BCAS3: variants seen among roughly 807,000 people sequenced by gnomAD.
The protein encoded by BCAS3 is BCAS3 microtubule associated cell migration factor.
Under a neutral mutation model 116.1 loss-of-function variants are expected in BCAS3, and 53 were observed. The observed-to-expected ratio is 0.46, with a 90% CI of 0.37 to 0.57. The LOEUF is 0.57. Ranked by LOEUF, BCAS3 falls within the 20% of genes least tolerant of loss-of-function variation. The pLI, the probability that BCAS3 is intolerant of heterozygous loss-of-function variation, is 0.00. For missense variants in BCAS3, 917 were observed against 1,165.4 expected (o/e 0.79, Z 3.10); for synonymous variants, 391 against 408.2 (o/e 0.96, Z 0.51).
At chr17:61,174,113 G>A (rs2079008354) in intron 22 of BCAS3, among the ~76,000 whole-genome samples, 1 of 152,144 alleles carries the variant, frequency 6.6e-6, no homozygotes, top group Non-Finnish European at 1.5e-5. Flanking sequence ...AATAAAAATT[G>A]TATATATTTG....
rs2066251072 is a variant in BCAS3 at position 61,026,428 on chromosome 17, G to A, written c.1638-8238G>A. On this transcript the variant is annotated intron_variant, in intron 16 of 23. Coordinates refer to ENST00000407086, the MANE Select transcript of BCAS3 (RefSeq NM_017679.5). The surrounding 1 kb of genome is among the most constrained non-coding windows in gnomAD (Gnocchi z 5.0). Reference sequence around the variant, plus strand: ...GTTCTGAGACTGGAACCAGTGAAAAGCAGACAATTCATATCAAATTTTTTA... The same window carrying A: ...GTTCTGAGACTGGAACCAGTGAAAAACAGACAATTCATATCAAATTTTTTA... Among the ~76,000 whole-genome samples, 1 of 151,990 alleles carries A rather than the reference G, an allele frequency of 6.6e-6. No individual in the cohort carries two copies. The highest frequency in any genetic ancestry group is 2.4e-5 in the African/African-American group (1 of 41,412).
In BCAS3 at chr17:60,910,862, A is replaced by G. The variant is rs569427157; in HGVS notation, c.993+160A>G. On this transcript the variant is annotated intron_variant, in intron 12 of 23. Transcript: ENST00000407086. ...TTTTTCTTTAAAAATGATTAGTAAC[A>G]TGTTAGAACCTGCTGTTTTGAACAT... Among the ~76,000 whole-genome samples the G allele has an allele frequency of 9.2e-5, 14 of 152,314 alleles. No homozygotes were observed. In the South Asian group the frequency reaches 2.5e-3, roughly 27 times the overall value.
Position 61,327,234 on chromosome 17 carries a change from A to G in BCAS3, c.2426-41093A>G, listed in dbSNP as rs1298496857. Among the ~76,000 whole-genome samples, 1 of 152,148 alleles carries G rather than the reference A, an allele frequency of 6.6e-6. No individual in the cohort carries two copies. The highest frequency in any genetic ancestry group is 1.5e-5 in the Non-Finnish European group (1 of 68,018). ...AGGAGATCACTTGAACTCAGGAGGT[A>G]GAGGTTGCAGTGAGCCAAGATTGCA... On this transcript the variant is annotated intron_variant, in intron 22 of 23. Transcript: ENST00000407086. This position sits in a 1 kb window ranked among gnomAD's most constrained non-coding sequence, Gnocchi z 5.9.
chr17:61,271,057 A>G (rs866697982), intron 22 of BCAS3, among the ~76,000 whole-genome samples: 13 of 146,622 alleles, frequency 8.9e-5, no homozygotes, highest in African/African-American at 2.8e-4. Context: ...ACACCTGGGT[A>G]TATTTAGGTC....
intron 4 of BCAS3, among the ~76,000 whole-genome samples, chr17:60,707,921 A>G (rs544426249): frequency 6.6e-6 from 1 of 152,286 alleles, no homozygotes; most frequent in South Asian, 2.1e-4. Flanking sequence ...GTATTTTTAT[A>G]TATACATTCA....
chr17:60,999,013 A>T (rs963805065), intron 15 of BCAS3, among the ~76,000 whole-genome samples: 3 of 152,170 alleles, frequency 2.0e-5, no homozygotes, highest in African/African-American at 7.2e-5. Flanking sequence ...GTAGGAGCCT[A>T]GCTTAATTCT....
chr17:61,160,659 C>T (rs1182106092), intron 22 of BCAS3, among the ~76,000 whole-genome samples: 1 of 152,114 alleles, frequency 6.6e-6, no homozygotes, highest in Non-Finnish European at 1.5e-5. Context: ...GGTTTACCAA[C>T]TTTTTTACCA....
At chr17:61,340,354 C>A (rs1223396999) in intron 22 of BCAS3, among the ~76,000 whole-genome samples, 7 of 151,842 alleles carry the variant, frequency 4.6e-5, no homozygotes, top group Non-Finnish European at 1.0e-4. Context: ...GATTCCAGGA[C>A]AGGACTTTAA....
In BCAS3 at chr17:61,131,015, C is replaced by G; in HGVS notation, c.2425+46451C>G. Reference sequence around the variant, plus strand: ...AGGTTGCAGTGAGCCGAGATTGCGCCACTGCACTCCAGTCTGGCAGACAAA... The same window carrying G: ...AGGTTGCAGTGAGCCGAGATTGCGCGACTGCACTCCAGTCTGGCAGACAAA... On this transcript the variant is annotated intron_variant, in intron 22 of 23. Coordinates refer to ENST00000407086, the MANE Select transcript of BCAS3 (RefSeq NM_017679.5). This position sits in a 1 kb window ranked among gnomAD's most constrained non-coding sequence, Gnocchi z 4.4. 6.6e-6 allele frequency: 1 copy of G among 152,198 alleles called. No individual in the cohort carries two copies. 9.4% of individuals were successfully genotyped at this position (152,198 alleles called of 1,614,324 possible).
Position 61,380,721 on chromosome 17 carries a change from G to A in BCAS3, c.2594-11256G>A, listed in dbSNP as rs538675799. ...CAGCTCAGATGGGAGGTCTCTTCTGGAAGGGGACTGGTTTGGGATGGGGAG... is the reference window on the plus strand; with the variant it reads ...CAGCTCAGATGGGAGGTCTCTTCTGAAAGGGGACTGGTTTGGGATGGGGAG... On this transcript the variant is annotated intron_variant, in intron 23 of 23. Transcript: ENST00000407086. This position sits in a 1 kb window ranked among gnomAD's most constrained non-coding sequence, Gnocchi z 4.2. The A allele has an allele frequency of 1.5e-6, 1 of 685,316 alleles. No individual in the cohort carries two copies. Among genetic ancestry groups the A allele is most frequent in the East Asian group, 2.7e-5 (1 of 36,632 alleles). 42.5% of individuals were successfully genotyped at this position (685,316 alleles called of 1,614,324 possible).
Position 61,220,367 on chromosome 17 carries a change from T to C in BCAS3, c.2425+135803T>C, listed in dbSNP as rs1435661202. Among the ~76,000 whole-genome samples, 1 of 152,186 alleles carries C rather than the reference T, an allele frequency of 6.6e-6. No homozygotes were observed. The highest frequency in any genetic ancestry group is 1.5e-5 in the Non-Finnish European group (1 of 68,030). ...GTCACAATAATCTATTTGGAGAATA[T>C]CAGGCCCACAGCTTCTATTTTCTAT... On this transcript the variant is annotated intron_variant, in intron 22 of 23. Transcript: ENST00000407086. This position sits in a 1 kb window ranked among gnomAD's most constrained non-coding sequence, Gnocchi z 4.5.
At chr17:60,768,844 A>G (rs2044368393) in intron 6 of BCAS3, among the ~76,000 whole-genome samples, 1 of 152,158 alleles carries the variant, frequency 6.6e-6, no homozygotes. Flanking sequence ...TTGGGCCTCC[A>G]GATAGCTTGT....
rs1211275912 is a variant in BCAS3 at position 60,960,268 on chromosome 17, T to TA, written c.1221+12921dup. 2.0e-5 allele frequency among the ~76,000 whole-genome samples: 3 copies of TA among 151,868 alleles called. No homozygotes were observed. The highest frequency in any genetic ancestry group is 6.6e-5 in the Admixed American group (1 of 15,266). ...ATCAACTCTAAGTCTAAATTTTTTT[T>TA]AAAAATATTATCGGCTCAAAGGTCC... On this transcript the variant is annotated intron_variant, in intron 14 of 23. Transcript: ENST00000407086. The surrounding 1 kb of genome is among the most constrained non-coding windows in gnomAD (Gnocchi z 4.1).
chr17:60,970,279 T>A (rs1032666194), intron 14 of BCAS3, among the ~76,000 whole-genome samples: 1 of 151,788 alleles, frequency 6.6e-6, no homozygotes, highest in Non-Finnish European at 1.5e-5. Flanking sequence ...TCAATGAAAA[T>A]GGCATACTAA....
At chr17:60,942,721 A>G (rs1567926625) in intron 13 of BCAS3, among the ~76,000 whole-genome samples, 2 of 152,168 alleles carry the variant, frequency 1.3e-5, no homozygotes, top group African/African-American at 4.8e-5. Context: ...AGCAAACTCA[A>G]ATTTACTTCA....
At chr17:60,814,300 T>TGCGCGCGCGCGC (rs1216288009) in intron 7 of BCAS3, among the ~76,000 whole-genome samples, 42 of 130,502 alleles carry the variant, frequency 3.2e-4, no homozygotes, top group African/African-American at 9.4e-4. Context: ...TGTGTGTGTG[T>TGCGCGCGCGCGC]GTGTGTGCGC....
In BCAS3 at chr17:60,990,936, G is replaced by A. The variant is rs370255425; in HGVS notation, c.1486+701G>A. 4.6e-5 allele frequency among the ~76,000 whole-genome samples: 7 copies of A among 152,048 alleles called. No individual in the cohort carries two copies. Among genetic ancestry groups the A allele is most frequent in the African/African-American group, 1.7e-4 (7 of 41,396 alleles). On this transcript the variant is annotated intron_variant, in intron 15 of 23. Coordinates refer to ENST00000407086, the MANE Select transcript of BCAS3 (RefSeq NM_017679.5). This position sits in a 1 kb window ranked among gnomAD's most constrained non-coding sequence, Gnocchi z 5.1. ...GCTGGGATTACAGACATGAGCCACCGCACCCAGCCTGCATTTTATTTTAAA... is the reference window on the plus strand; with the variant it reads ...GCTGGGATTACAGACATGAGCCACCACACCCAGCCTGCATTTTATTTTAAA...
At chr17:60,822,880 T>C (rs1432637699) in intron 7 of BCAS3, among the ~76,000 whole-genome samples, 1 of 152,166 alleles carries the variant, frequency 6.6e-6, no homozygotes, top group African/African-American at 2.4e-5. Flanking sequence ...GAAACCACCA[T>C]AGTCATTATC....
intron 5 of BCAS3, among the ~76,000 whole-genome samples, chr17:60,735,784 A>G (rs942181617): frequency 6.6e-6 from 1 of 152,044 alleles, no homozygotes; most frequent in African/African-American, 2.4e-5. Flanking sequence ...AATCAGGTTG[A>G]GGAAGTTCCC....
Sources: gnomAD v4.1 joint callset for allele counts (sites outside exome capture counted in the v4.1 genomes callset) on GRCh38, gnomAD v4.1.1 for gene constraint, Gnocchi (gnomAD v3.1) non-coding constraint, MANE v1.5 for transcripts, NCBI Gene and HGNC (gene_info 2026-07-23, HGNC 2026-07-21) for gene names.